PRKCA: variants seen among roughly 807,000 people sequenced by gnomAD.
PRKCA encodes protein kinase C alpha type.
In PRKCA, 27 loss-of-function variants were observed where a neutral mutation model predicts 87.0. The observed-to-expected ratio is 0.31, with a 90% CI of 0.23 to 0.43. The LOEUF is 0.43. PRKCA is among the 20% of genes least tolerant of loss of function. PRKCA has a pLI of 1.00. For synonymous variants in PRKCA, 329 were observed against 311.1 expected, an observed-to-expected ratio of 1.06 and a Z score of -0.61; for missense variants, 518 against 852.3, an observed-to-expected ratio of 0.61 and a Z score of 4.88.
At position 66,741,592 on chromosome 17, in the gene PRKCA, G is replaced by A. The variant is rs1974159975; in HGVS notation, c.1323-67G>A. On this transcript the variant is annotated intron_variant, in intron 11 of 16. Coordinates refer to ENST00000413366, the MANE Select transcript of PRKCA (RefSeq NM_002737.3). ...TTTTCTCTCTTTGATGCTTGAATTT[G>A]AGAATGTAAAGTATACAGGCATCTA... The A allele has an allele frequency of 2.0e-6, 3 of 1,522,660 alleles. No homozygotes were observed. The Admixed American group carries it at 5.1e-5, about 26-fold the overall frequency. 94.3% of individuals were successfully genotyped at this position (1,522,660 alleles called of 1,614,324 possible).
intron 2 of PRKCA, among the ~76,000 whole-genome samples, chr17:66,393,125 CA>C (rs1238835878): frequency 6.6e-6 from 1 of 152,074 alleles, no homozygotes; most frequent in Non-Finnish European, 1.5e-5. Flanking sequence ...TTTCAGAGCA[CA>C]GGCTATGGTG....
Position 66,792,305 on chromosome 17 carries a change from T to C in PRKCA, c.1854+3326T>C, listed in dbSNP as rs1178523764. Among the ~76,000 whole-genome samples, 1 of 152,258 alleles carries C rather than the reference T, an allele frequency of 6.6e-6. No individual in the cohort carries two copies. Among genetic ancestry groups the C allele is most frequent in the African/African-American group, 2.4e-5 (1 of 41,474 alleles). The stretch of plus-strand genomic sequence containing the variant: ...GGGACTTCAGGTTCTCACAGTTATT[T>C]GCAAACTGCTTCTACAGATCAGATT... On this transcript the variant is annotated intron_variant, in intron 16 of 16. Transcript: ENST00000413366. The surrounding 1 kb of genome is among the most constrained non-coding windows in gnomAD (Gnocchi z 4.5).
At chr17:66,395,151 G>A (rs1910591859) in intron 2 of PRKCA, among the ~76,000 whole-genome samples, 1 of 151,940 alleles carries the variant, frequency 6.6e-6, no homozygotes, top group African/African-American at 2.4e-5. Flanking sequence ...GTTCTTTATA[G>A]CAGTCTGAAA....
At chr17:66,378,540 C>A (rs1909604862) in intron 2 of PRKCA, among the ~76,000 whole-genome samples, 1 of 152,158 alleles carries the variant, frequency 6.6e-6, no homozygotes, top group Admixed American at 6.6e-5. Flanking sequence ...CTCTCTGTAG[C>A]CCCTGGCAAC....
intron 2 of PRKCA, among the ~76,000 whole-genome samples, chr17:66,467,891 A>T (rs899562653): frequency 8.9e-5 from 13 of 146,728 alleles, no homozygotes; most frequent in Non-Finnish European, 7.5e-5. Flanking sequence ...ACAAAAAATT[A>T]AAAAAAAAAA....
intron 1 of PRKCA, among the ~76,000 whole-genome samples, 164 bp downstream of exon 1, chr17:66,303,188 C>T (rs1904610340): frequency 6.6e-6 from 1 of 152,104 alleles, no homozygotes; most frequent in Non-Finnish European, 1.5e-5. Context: ...GGCCCTGACA[C>T]CGGCGGGCAG....
chr17:66,709,709 G>A (rs1323592491), intron 8 of PRKCA, among the ~76,000 whole-genome samples: 7 of 151,228 alleles, frequency 4.6e-5, no homozygotes, highest in Admixed American at 2.6e-4. Context: ...TTCTTTTTCG[G>A]TGGAAGTTGA....
chr17:66,393,283 G>A (rs1439263495), intron 2 of PRKCA, among the ~76,000 whole-genome samples: 1 of 152,152 alleles, frequency 6.6e-6, no homozygotes, highest in African/African-American at 2.4e-5. Context: ...ATGTTCAGAA[G>A]GCGTGGAAGA....
intron 2 of PRKCA, among the ~76,000 whole-genome samples, chr17:66,390,246 A>G (rs1418895098): frequency 1.3e-5 from 2 of 152,082 alleles, no homozygotes; most frequent in Non-Finnish European, 1.5e-5. Context: ...AAAATCATGA[A>G]GAGTGGACCT....
chr17:66,328,419 G>A (rs1445219558), intron 2 of PRKCA, among the ~76,000 whole-genome samples: 2 of 152,062 alleles, frequency 1.3e-5, no homozygotes, highest in African/African-American at 4.8e-5. Flanking sequence ...GGAGTTAACT[G>A]ATTGAAAATG....
chr17:66,370,049 A>T (rs1008728086), intron 2 of PRKCA, among the ~76,000 whole-genome samples: 1 of 152,142 alleles, frequency 6.6e-6, no homozygotes, highest in Non-Finnish European at 1.5e-5. Flanking sequence ...TTAAGCTGGG[A>T]CAACAGTCAT....
Position 66,334,484 on chromosome 17 carries a change from C to G in PRKCA, c.205+28357C>G, listed in dbSNP as rs140096209. On this transcript the variant is annotated intron_variant, in intron 2 of 16. Coordinates refer to ENST00000413366, the MANE Select transcript of PRKCA (RefSeq NM_002737.3). ...GGGCAAAGGACTTGAACAGACATTT[C>G]TCTAAAGAAGACATACAAATGGCCA... 8.6e-3 allele frequency among the ~76,000 whole-genome samples: 1,306 copies of G among 152,196 alleles called. 24 individuals are homozygous for G. Among genetic ancestry groups the G allele is most frequent in the African/African-American group, 0.03 (1,233 of 41,518 alleles).
chr17:66,764,658 T>C (rs913192213), intron 13 of PRKCA, among the ~76,000 whole-genome samples: 1 of 152,216 alleles, frequency 6.6e-6, no homozygotes, highest in East Asian at 1.9e-4. Context: ...GGGTCTGTCT[T>C]TGAAGCCACA....
intron 8 of PRKCA, among the ~76,000 whole-genome samples, chr17:66,707,118 C>T (rs748433592): frequency 1.2e-4 from 19 of 152,272 alleles, no homozygotes; most frequent in Non-Finnish European, 2.6e-4. Flanking sequence ...ATTCATCCAC[C>T]ATGCTCATTA....
intron 3 of PRKCA, among the ~76,000 whole-genome samples, chr17:66,546,509 T>C (rs529444741): frequency 7.7e-4 from 117 of 152,336 alleles, no homozygotes; most frequent in African/African-American, 2.8e-3. Context: ...TTGCCGCTAA[T>C]CCTCTATGTT....
chr17:66,482,126 GAAAA>G (rs376872193), intron 2 of PRKCA, among the ~76,000 whole-genome samples: 117 of 142,574 alleles, frequency 8.2e-4, no homozygotes, highest in Admixed American at 1.6e-3. Flanking sequence ...AAGAAAAAAA[GAAAA>G]AAAAGAAAGT....
intron 3 of PRKCA, among the ~76,000 whole-genome samples, chr17:66,532,632 T>A (rs1967605412): frequency 6.6e-6 from 1 of 152,142 alleles, no homozygotes; most frequent in South Asian, 2.1e-4. Context: ...ATGCTAGGAT[T>A]ACAGGTGTGA....
chr17:66,431,942 C>T (rs76501079), intron 2 of PRKCA, among the ~76,000 whole-genome samples: 5,616 of 152,246 alleles, frequency 0.037, 179 homozygotes, highest in East Asian at 0.17. Flanking sequence ...CATCCTAATT[C>T]TTTTTTCATT....
At chr17:66,521,536 C>T (rs1967161202) in intron 3 of PRKCA, among the ~76,000 whole-genome samples, 1 of 152,132 alleles carries the variant, frequency 6.6e-6, no homozygotes, top group African/African-American at 2.4e-5. Context: ...TTTATCTTTT[C>T]TCTAAGAAAG....
Sources: gnomAD v4.1 joint callset for allele counts (sites outside exome capture counted in the v4.1 genomes callset) on GRCh38, gnomAD v4.1.1 for gene constraint, Gnocchi (gnomAD v3.1) non-coding constraint, MANE v1.5 for transcripts, NCBI Gene and HGNC (gene_info 2026-07-23, HGNC 2026-07-21) for gene names.